The following CLTA variants were observed in gnomAD, a reference collection of about 807,000 sequenced individuals.
The protein encoded by CLTA is clathrin light chain A, also known as clathrin, light polypeptide (Lca).
Under a neutral mutation model 26.9 loss-of-function variants are expected in CLTA, and 9 were observed. The observed-to-expected ratio is 0.33, with a 90% CI of 0.20 to 0.58. CLTA has a LOEUF of 0.58. Ranked by LOEUF, CLTA falls within the 20% of genes least tolerant of loss-of-function variation. The probability of loss-of-function intolerance (pLI) is 0.85; values close to 1 mark genes in which losing one functional copy is unlikely to be tolerated. For synonymous variants in CLTA, 120 were observed against 115.5 expected, an observed-to-expected ratio of 1.04 and a Z score of -0.25; for missense variants, 278 against 294.2, an observed-to-expected ratio of 0.94 and a Z score of 0.40.
intron 1 of CLTA, among the ~76,000 whole-genome samples, chr9:36,196,995 G>A (rs534577251): frequency 9.2e-5 from 14 of 152,284 alleles, no homozygotes; most frequent in South Asian, 2.1e-4. Context: ...GCAGCATGGC[G>A]AAACCCCCTT....
At chr9:36,199,454 CTT>C (rs879907387) in intron 3 of CLTA, among the ~76,000 whole-genome samples, 9 of 142,486 alleles carry the variant, frequency 6.3e-5, no homozygotes, top group Admixed American at 7.0e-5. Context: ...TTTCTTTTTT[CTT>C]TTTTTTTTTT....
rs757143986 is a variant in CLTA at position 36,191,177 on chromosome 9, A to G, written c.121A>G (p.Ser41Gly). Residue 41 changes from serine to glycine, a missense_variant, in exon 1 of 5, where the codon AGC (serine) becomes GGC (glycine). By Grantham distance (56) the Ser-to-Gly change is moderately conservative. Coordinates refer to ENST00000345519, the MANE Select transcript of CLTA (RefSeq NM_001833.4). ...PAAAFLAQQE[S>G]EIAGIENDEA... Reference sequence around the variant, plus strand: ...TGCGGCCTTCTTGGCGCAGCAAGAGAGCGAGATTGCGGGCATCGAGAACGA... The same window carrying G: ...TGCGGCCTTCTTGGCGCAGCAAGAGGGCGAGATTGCGGGCATCGAGAACGA... 3.1e-6 allele frequency: 5 copies of G among 1,593,098 alleles called. No homozygotes were observed. Among genetic ancestry groups the G allele is most frequent in the Non-Finnish European group, 1.7e-6 (2 of 1,172,272 alleles).
In CLTA at chr9:36,190,967, G is replaced by T; in HGVS notation, c.-90G>T. On this transcript the variant is annotated 5_prime_UTR_variant, in exon 1 of 5. Transcript: ENST00000345519. ...TGGCGCTTGTCCTCCTCTCCCAGTC[G>T]GCACCACAGCGGTGGCTGCCGGGCG... is the stretch of plus-strand genomic sequence containing the variant. 6.9e-7 allele frequency: 1 copy of T among 1,450,014 alleles called. No homozygotes were observed. Among genetic ancestry groups the T allele is most frequent in the South Asian group, 1.5e-5 (1 of 68,422 alleles). 89.8% of individuals were successfully genotyped at this position (1,450,014 alleles called of 1,614,324 possible). A position where few individuals can be genotyped will look rare whatever the true frequency, so the allele number is the denominator to read the frequency against.
chr9:36,195,975 A>G (rs1461422897), intron 1 of CLTA, among the ~76,000 whole-genome samples: 4 of 151,558 alleles, frequency 2.6e-5, no homozygotes. Context: ...CTCAAAAAAA[A>G]TAAAAAAATA....
chr9:36,200,897 A>G lies in CLTA; in HGVS notation c.373+1801A>G, dbSNP rs550691032. Among the ~76,000 whole-genome samples, 20 of 152,324 alleles carry G rather than the reference A, an allele frequency of 1.3e-4. No homozygotes were observed. In the South Asian group the frequency reaches 3.7e-3, roughly 28 times the overall value. ...CTGTAGGAAGATGAAAATAGGTCCT[A>G]ACAGCTTTGGTCCTTGCTTGTTCTT... On this transcript the variant is annotated intron_variant, in intron 3 of 4. Coordinates refer to ENST00000345519, the MANE Select transcript of CLTA (RefSeq NM_001833.4).
chr9:36,209,667 T>C (rs552821561), intron 4 of CLTA, among the ~76,000 whole-genome samples: 8 of 152,276 alleles, frequency 5.3e-5, no homozygotes, highest in African/African-American at 1.9e-4. Flanking sequence ...CCATGCCCTG[T>C]TGCCTGCCTG....
At chr9:36,195,249 A>G (rs959796982) in intron 1 of CLTA, among the ~76,000 whole-genome samples, 1 of 152,254 alleles carries the variant, frequency 6.6e-6, no homozygotes, top group African/African-American at 2.4e-5. Flanking sequence ...TTCAGCATAA[A>G]AGCAGATACA....
chr9:36,209,148 G>T, intron 4 of CLTA: 1 of 1,245,608 alleles, frequency 8.0e-7, no homozygotes, highest in East Asian at 2.3e-5. Context: ...AAGGAGCCTT[G>T]GGAGCAGCTC....
intron 1 of CLTA, among the ~76,000 whole-genome samples, chr9:36,194,274 G>A (rs1441613071): frequency 2.0e-5 from 3 of 152,160 alleles, no homozygotes; most frequent in Admixed American, 6.5e-5. Context: ...TGAGCCACCC[G>A]CCTTGGCCTC....
At position 36,191,003 on chromosome 9, in the gene CLTA, G is replaced by C; in HGVS notation, c.-54G>C. 1.4e-6 allele frequency: 2 copies of C among 1,473,306 alleles called. No individual in the cohort carries two copies. Among genetic ancestry groups the C allele is most frequent in the Non-Finnish European group, 1.8e-6 (2 of 1,122,392 alleles). 91.3% of individuals were successfully genotyped at this position (1,473,306 alleles called of 1,614,324 possible). A position where few individuals can be genotyped will look rare whatever the true frequency, so the allele number is the denominator to read the frequency against. ...GGTGGCTGCCGGGCGTGGTGTCGGT[G>C]GGTCGGTTGGTTTTTGTCTCACCGT... On this transcript the variant is annotated 5_prime_UTR_variant, in exon 1 of 5. Coordinates refer to ENST00000345519, the MANE Select transcript of CLTA (RefSeq NM_001833.4).
chr9:36,208,803 G>C (rs959113451), intron 4 of CLTA, among the ~76,000 whole-genome samples: 2 of 152,186 alleles, frequency 1.3e-5, no homozygotes, highest in African/African-American at 4.8e-5. Flanking sequence ...CTGGACTTAG[G>C]GCCAGGCTGC....
At chr9:36,200,193 C>T (rs1827322920) in intron 3 of CLTA, among the ~76,000 whole-genome samples, 2 of 151,906 alleles carry the variant, frequency 1.3e-5, no homozygotes, top group South Asian at 4.2e-4. Context: ...TTTGTTTTTT[C>T]TTTTTCTTTT....
chr9:36,193,913 T>C (rs563820152), intron 1 of CLTA, among the ~76,000 whole-genome samples: 7 of 152,068 alleles, frequency 4.6e-5, no homozygotes, highest in Non-Finnish European at 7.4e-5. Context: ...GAACAGGTGG[T>C]CATGAAGGAG....
chr9:36,198,450 G>A (rs1827183689), intron 2 of CLTA, among the ~76,000 whole-genome samples: 1 of 151,546 alleles, frequency 6.6e-6, no homozygotes, highest in East Asian at 2.0e-4. Flanking sequence ...GCTGGGGTGG[G>A]TGGATCATTT....
chr9:36,195,502 A>T (rs1279408649), intron 1 of CLTA, among the ~76,000 whole-genome samples: 1 of 152,170 alleles, frequency 6.6e-6, no homozygotes, highest in African/African-American at 2.4e-5. Context: ...CAAAGCCACC[A>T]TGAGTTTGTT....
In CLTA at chr9:36,204,056, C is replaced by G; in HGVS notation, c.374-12C>G. 1.2e-6 allele frequency: 2 copies of G among 1,613,860 alleles called. No homozygotes were observed. The highest frequency in any genetic ancestry group is 8.5e-7 in the Non-Finnish European group (1 of 1,179,890). ...CTCAATTGTATTGTCTTTCTCTTCTCTCCCTTCAAAGATGCCAATTCTCGG... is the reference window on the plus strand; with the variant it reads ...CTCAATTGTATTGTCTTTCTCTTCTGTCCCTTCAAAGATGCCAATTCTCGG... On this transcript the variant is annotated splice_polypyrimidine_tract_variant and intron_variant, in intron 3 of 4. Transcript: ENST00000345519.
At chr9:36,199,949 A>C (rs1170095343) in intron 3 of CLTA, among the ~76,000 whole-genome samples, 1 of 152,196 alleles carries the variant, frequency 6.6e-6, no homozygotes, top group African/African-American at 2.4e-5. Context: ...TAAGAGTCAC[A>C]ATTTCAGCTG....
At chr9:36,203,954 C>T (rs541635875) in intron 3 of CLTA, 114 bp from the exon 4 acceptor site, 191 of 1,407,326 alleles carry the variant, frequency 1.4e-4, no homozygotes, top group Admixed American at 1.2e-3. Context: ...CCCCAACAGG[C>T]ACACAGACAT....
At chr9:36,208,756 A>G (rs945469592) in intron 4 of CLTA, among the ~76,000 whole-genome samples, 12 of 152,186 alleles carry the variant, frequency 7.9e-5, no homozygotes, top group African/African-American at 2.4e-4. Context: ...GGGCACATAC[A>G]GCAGGGAAGA....
Sources: allele counts gnomAD v4.1 joint callset (sites outside exome capture counted in the v4.1 genomes callset), GRCh38; gene constraint gnomAD v4.1.1; transcripts MANE v1.5; gene names NCBI Gene and HGNC (gene_info 2026-07-23, HGNC 2026-07-21).